OTUD7A: variants seen among roughly 807,000 people sequenced by gnomAD.
OTUD7A encodes the protein OTU deubiquitinase 7A.
Under a neutral mutation model 65.7 loss-of-function variants are expected in OTUD7A, and 12 were observed. The observed-to-expected ratio is 0.18, with a 90% CI of 0.12 to 0.30. The LOEUF (loss-of-function observed/expected upper bound fraction) is 0.30. Among genes scored for constraint, OTUD7A ranks in the 10% least tolerant of loss-of-function variants. The pLI is 1.00. For synonymous variants in OTUD7A, 641 were observed against 586.3 expected (o/e 1.09, Z -1.35); for missense variants, 1,148 against 1,304.8 (o/e 0.88, Z 1.85).
intron 1 of OTUD7A, among the ~76,000 whole-genome samples, chr15:31,750,517 T>C (rs889765787): frequency 4.6e-5 from 7 of 151,128 alleles, no homozygotes; most frequent in African/African-American, 1.7e-4. Flanking sequence ...ATCCAAAATT[T>C]ACATGACATC....
chr15:31,509,900 T>C (rs554889014), intron 8 of OTUD7A, among the ~76,000 whole-genome samples: 1 of 149,514 alleles, frequency 6.7e-6, no homozygotes, highest in South Asian at 2.1e-4. Context: ...TTCTAGTTAT[T>C]TTTTTACTTT....
intron 1 of OTUD7A, among the ~76,000 whole-genome samples, chr15:31,847,074 G>A (rs969198210): frequency 1.3e-5 from 2 of 152,226 alleles, no homozygotes; most frequent in African/African-American, 4.8e-5. Context: ...GCACCCCGCA[G>A]GCCTGCCGTA....
At chr15:31,516,891 AC>A (rs1595575706) in intron 8 of OTUD7A, among the ~76,000 whole-genome samples, 1 of 151,968 alleles carries the variant, frequency 6.6e-6, no homozygotes, top group Non-Finnish European at 1.5e-5. Context: ...ATAAGTAAAA[AC>A]CTTTGAACTT....
intron 3 of OTUD7A, among the ~76,000 whole-genome samples, chr15:31,637,883 T>C (rs769786536): frequency 6.6e-6 from 1 of 152,226 alleles, no homozygotes; most frequent in Non-Finnish European, 1.5e-5. Context: ...TTGCTTCTTA[T>C]GGATGAGCAA....
chr15:31,658,893 G>A (rs1186384753), intron 1 of OTUD7A, among the ~76,000 whole-genome samples: 1 of 150,714 alleles, frequency 6.6e-6, no homozygotes, highest in Non-Finnish European at 1.5e-5. Context: ...AAAGCCAGGT[G>A]TGGTGGCAGG....
intron 1 of OTUD7A, among the ~76,000 whole-genome samples, chr15:31,710,952 T>A (rs1348974788): frequency 6.6e-6 from 1 of 152,180 alleles, no homozygotes; most frequent in Non-Finnish European, 1.5e-5. Flanking sequence ...TGGGTGAAAT[T>A]CAAGTCCCGG....
intron 8 of OTUD7A, among the ~76,000 whole-genome samples, chr15:31,514,819 G>A (rs887071028): frequency 1.2e-4 from 19 of 152,228 alleles, no homozygotes; most frequent in African/African-American, 4.3e-4. Context: ...GGAAGGAAAG[G>A]GAAGTAGAAG....
At chr15:31,850,847 G>C (rs1897407698) in intron 1 of OTUD7A, among the ~76,000 whole-genome samples, 1 of 152,110 alleles carries the variant, frequency 6.6e-6, no homozygotes, top group African/African-American at 2.4e-5. Flanking sequence ...TCATTGGCCA[G>C]GCACATCCTG....
At chr15:31,788,561 A>G (rs1330560523) in intron 1 of OTUD7A, among the ~76,000 whole-genome samples, 1 of 152,206 alleles carries the variant, frequency 6.6e-6, no homozygotes, top group Non-Finnish European at 1.5e-5. Context: ...TCACATTCCC[A>G]TGAAAGAATG....
chr15:31,483,378 C>T lies in OTUD7A; in HGVS notation c.2718G>A (p.Gly906=). 2.3e-6 allele frequency: 3 copies of T among 1,316,916 alleles called. No individual in the cohort carries two copies. Among genetic ancestry groups the T allele is most frequent in the Non-Finnish European group, 2.9e-6 (3 of 1,031,190 alleles). The allele number at this position is 1,316,916 out of a possible 1,614,324, so 81.6% of individuals were successfully genotyped here. ...AGCAGTAGTGCTCGGTCTCGGCGCGCCCGTAGAACGCACAGTTCTCGCGCT... is the reference window on the plus strand; with the variant it reads ...AGCAGTAGTGCTCGGTCTCGGCGCGTCCGTAGAACGCACAGTTCTCGCGCT... The part of the protein sequence containing the change: ...RCQRENCAFY[G]RAETEHYCSY... Residue 906 remains glycine, a synonymous_variant, in exon 13 of 13, where the codon GGG becomes GGA. Transcript: ENST00000307050.
chr15:31,502,080 G>A (rs1224744558), intron 9 of OTUD7A, among the ~76,000 whole-genome samples: 1 of 152,246 alleles, frequency 6.6e-6, no homozygotes, highest in Non-Finnish European at 1.5e-5. Context: ...GGGCTGGGAT[G>A]ACAGTCACCC....
intron 1 of OTUD7A, among the ~76,000 whole-genome samples, chr15:31,729,592 T>C (rs1348257574): frequency 1.3e-5 from 2 of 152,202 alleles, no homozygotes; most frequent in Non-Finnish European, 2.9e-5. Context: ...TTCCATGTGG[T>C]ACCTGGGAAA....
At chr15:31,606,096 T>C (rs1890231164) in intron 3 of OTUD7A, among the ~76,000 whole-genome samples, 1 of 152,266 alleles carries the variant, frequency 6.6e-6, no homozygotes, top group African/African-American at 2.4e-5. Context: ...TTGGATCCAG[T>C]GATCTGCATG....
At chr15:31,491,061 TTACTGTCC>T (rs1378645012) in intron 10 of OTUD7A, among the ~76,000 whole-genome samples, 5 of 152,112 alleles carry the variant, frequency 3.3e-5, no homozygotes, top group African/African-American at 1.2e-4. Context: ...ACTGCAGTCT[TTACTGTCC>T]TACTCAAGAT....
chr15:31,834,181 C>T (rs190382980), intron 1 of OTUD7A, among the ~76,000 whole-genome samples: 6 of 152,296 alleles, frequency 3.9e-5, no homozygotes, highest in Admixed American at 3.9e-4. Context: ...CATTTCCTTC[C>T]TCTGGGTTGA....
intron 3 of OTUD7A, among the ~76,000 whole-genome samples, chr15:31,615,785 C>T (rs1890567662): frequency 6.6e-6 from 1 of 152,250 alleles, no homozygotes; most frequent in African/African-American, 2.4e-5. Context: ...AGGGGACTGG[C>T]TGTGCCACCG....
Position 31,511,123 on chromosome 15 carries a change from GTATA to G in OTUD7A, c.894-7309_894-7306del, listed in dbSNP as rs1378139415. On this transcript the variant is annotated intron_variant, in intron 8 of 12. Transcript: ENST00000307050. ...GTATATCTATATGTAACATACATAT[GTATA>G]TCTATATGTAACATACATATGTATA... Among the ~76,000 whole-genome samples the G allele has an allele frequency of 1.4e-4, 4 of 28,784 alleles. No individual in the cohort carries two copies. In the South Asian group the frequency reaches 2.9e-3, roughly 21 times the overall value. The allele number at this position is 28,784 out of a possible 152,430, so 18.9% of individuals were successfully genotyped here.
chr15:31,832,494 A>G (rs1896958176), intron 1 of OTUD7A, among the ~76,000 whole-genome samples: 1 of 152,256 alleles, frequency 6.6e-6, no homozygotes, highest in African/African-American at 2.4e-5. Context: ...CAACATTTTT[A>G]AGTGTACACT....
intron 1 of OTUD7A, among the ~76,000 whole-genome samples, chr15:31,683,271 G>T (rs1161813760): frequency 6.6e-6 from 1 of 152,158 alleles, no homozygotes; most frequent in Non-Finnish European, 1.5e-5. Context: ...ATAAATATCT[G>T]TCATCATGTA....
Sources: allele counts gnomAD v4.1 joint callset (sites outside exome capture counted in the v4.1 genomes callset), GRCh38; gene constraint gnomAD v4.1.1; transcripts MANE v1.5; gene names NCBI Gene and HGNC (gene_info 2026-07-23, HGNC 2026-07-21).